Variants in CFAP221 observed in about 807,000 individuals in gnomAD.
CFAP221 encodes the protein cilia and flagella associated protein 221, also known as cilia- and flagella-associated protein 221.
In CFAP221, 97 loss-of-function variants were observed where a neutral mutation model predicts 113.1. That is an observed-to-expected ratio of 0.86 (90% CI 0.73 to 1.02). CFAP221 has a LOEUF of 1.02. Ranked by LOEUF, CFAP221 falls within the 50% of genes least tolerant of loss-of-function variation. The probability of loss-of-function intolerance (pLI) is 0.00; values close to 1 mark genes in which losing one functional copy is unlikely to be tolerated. For missense variants in CFAP221, 1,025 were observed against 1,013.4 expected (o/e 1.01, Z -0.16); for synonymous variants, 331 against 354.4 (o/e 0.93, Z 0.74).
At position 119,614,759 on chromosome 2, in the gene CFAP221, A is replaced by G. The variant is rs1685412340; in HGVS notation, c.1312-852A>G. On this transcript the variant is annotated intron_variant, in intron 13 of 23. Coordinates refer to ENST00000413369, the MANE Select transcript of CFAP221 (RefSeq NM_001271049.2). Reference sequence around the variant, plus strand: ...AAACCATATCACTGGTTAAAAGTCCAACTTTTAATTTCAACGATGATAAAA... The same window carrying G: ...AAACCATATCACTGGTTAAAAGTCCGACTTTTAATTTCAACGATGATAAAA... 2.0e-5 allele frequency among the ~76,000 whole-genome samples: 3 copies of G among 152,236 alleles called. 1 individual carries two copies. In the South Asian group the frequency reaches 6.2e-4, roughly 31 times the overall value.
chr2:119,595,880 G>A (rs554861728), intron 7 of CFAP221, among the ~76,000 whole-genome samples: 99 of 152,114 alleles, frequency 6.5e-4, no homozygotes, highest in African/African-American at 2.4e-3. Flanking sequence ...CTTGGGAAGA[G>A]GGTTTCAAGC....
chr2:119,583,490 G>C (rs1682989261), intron 6 of CFAP221, among the ~76,000 whole-genome samples: 1 of 142,976 alleles, frequency 7.0e-6, no homozygotes, highest in African/African-American at 2.6e-5. Flanking sequence ...TTTTTACATA[G>C]AAAATCTAAG....
Position 119,630,835 on chromosome 2 carries a change from A to T in CFAP221, c.1908A>T (p.Ser636=). 1 of 1,613,912 alleles carries T rather than the reference A, an allele frequency of 6.2e-7. No individual in the cohort carries two copies. Among genetic ancestry groups the T allele is most frequent in the Non-Finnish European group, 8.5e-7 (1 of 1,179,770 alleles). ...DSTTQLSGKT[S]VLSMKPPEAL... is the part of the protein sequence containing the mutation. ...CAACTCAGCTCTCTGGCAAAACATC[A>T]GTCTTGAGCATGAAACCACCTGAGG... Residue 636 remains serine (S), a synonymous_variant, in exon 19 of 24, where the codon TCA becomes TCT. Coordinates refer to ENST00000413369, the MANE Select transcript of CFAP221 (RefSeq NM_001271049.2).
At chr2:119,631,092 T>A in intron 19 of CFAP221, 191 bp downstream of exon 19, 1 of 1,264,672 alleles carries the variant, frequency 7.9e-7, no homozygotes, top group South Asian at 2.9e-5. Flanking sequence ...CTTTTAGCAA[T>A]TCCTGCATTT....
At chr2:119,611,837 C>G in intron 13 of CFAP221, 95 bp downstream of exon 13, 1 of 923,470 alleles carries the variant, frequency 1.1e-6, no homozygotes, top group Non-Finnish European at 1.7e-6. Flanking sequence ...AATCCTTTAC[C>G]AAGAGATATT....
intron 11 of CFAP221, 115 bp downstream of exon 11, chr2:119,605,404 T>A: frequency 1.2e-6 from 1 of 817,644 alleles, no homozygotes; most frequent in Non-Finnish European, 1.9e-6. Context: ...TTGGAGAATT[T>A]AATGATTGTT....
At chr2:119,614,466 G>A (rs895282612) in intron 13 of CFAP221, among the ~76,000 whole-genome samples, 5 of 152,190 alleles carry the variant, frequency 3.3e-5, no homozygotes, top group Admixed American at 1.3e-4. Context: ...CATGGCTGGG[G>A]AGGCCTCAGG....
intron 14 of CFAP221, among the ~76,000 whole-genome samples, chr2:119,618,596 C>T (rs1251839931): frequency 6.6e-6 from 1 of 152,184 alleles, no homozygotes; most frequent in Non-Finnish European, 1.5e-5. Flanking sequence ...AACCCGCAGA[C>T]CAGGAGATTC....
Position 119,656,401 on chromosome 2 carries a change from AG to A in CFAP221, c.2455del (p.Glu819ArgfsTer7), listed in dbSNP as rs1313659880. On this transcript the variant is annotated frameshift_variant, in exon 24 of 24. Coordinates refer to ENST00000413369, the MANE Select transcript of CFAP221 (RefSeq NM_001271049.2). LOFTEE classifies it high-confidence loss of function. ...AAGCACAACCAGCAGAGAAGGCCGG[AG>A]AGAAGCTGCTCGAGGAGATGAGGAA... ...DQAQPAEKAGEKLLEEMRNLR... is the reference protein window; with the variant it reads ...DQAQPAEKAGXKLLEEMRNLR... The A allele has an allele frequency of 6.2e-7, 1 of 1,613,944 alleles. No homozygotes were observed. The highest frequency in any genetic ancestry group is 8.5e-7 in the Non-Finnish European group (1 of 1,179,996).
At position 119,639,797 on chromosome 2, in the gene CFAP221, T is replaced by C. The variant is rs893459663; in HGVS notation, c.2150T>C (p.Ile717Thr). The C allele has an allele frequency of 6.2e-7, 1 of 1,614,120 alleles. No individual in the cohort carries two copies. Among genetic ancestry groups the C allele is most frequent in the Admixed American group, 1.7e-5 (1 of 60,030 alleles). Residue 717 changes from isoleucine to threonine, a missense_variant, in exon 21 of 24, where the codon ATA becomes ACA. Coordinates refer to ENST00000413369, the MANE Select transcript of CFAP221 (RefSeq NM_001271049.2). ...TCCTTACAGGACATTATTCCCGGAA[T>C]AATGCACTGGAAAAGCTTCCAGTCC... ...FLHHTDIIPGIMHWKSFQSLV... is the reference protein window; with the variant it reads ...FLHHTDIIPGTMHWKSFQSLV...
At chr2:119,617,362 C>T (rs1558966627) in intron 14 of CFAP221, among the ~76,000 whole-genome samples, 1 of 152,168 alleles carries the variant, frequency 6.6e-6, no homozygotes, top group Non-Finnish European at 1.5e-5. Flanking sequence ...CAGAGTCCAC[C>T]ATGACATGCT....
At chr2:119,556,655 C>T (rs913968435) in intron 3 of CFAP221, among the ~76,000 whole-genome samples, 3 of 151,422 alleles carry the variant, frequency 2.0e-5, no homozygotes, top group African/African-American at 7.3e-5. Context: ...CCAGTTCAAG[C>T]GATTCTCCTG....
intron 19 of CFAP221, among the ~76,000 whole-genome samples, chr2:119,634,029 G>C (rs1008218941): frequency 6.6e-6 from 1 of 152,170 alleles, no homozygotes; most frequent in Non-Finnish European, 1.5e-5. Context: ...GACCTCTTGA[G>C]TTCAGGAGTT....
At chr2:119,602,723 A>C in intron 8 of CFAP221, 3 of 985,424 alleles carry the variant, frequency 3.0e-6, no homozygotes, top group Non-Finnish European at 3.6e-6. Flanking sequence ...ACTGAACACA[A>C]ATTTTAAAAC....
At chr2:119,636,308 A>G (rs1297099240) in intron 19 of CFAP221, among the ~76,000 whole-genome samples, 2 of 152,220 alleles carry the variant, frequency 1.3e-5, no homozygotes, top group East Asian at 1.9e-4. Flanking sequence ...AAGAATCTCA[A>G]CAATATCAAA....
In CFAP221 at chr2:119,625,675, A is replaced by G. The variant is rs199892421; in HGVS notation, c.1503A>G (p.Gln501=). Residue 501 remains glutamine, a synonymous_variant, in exon 15 of 24, where the codon CAA becomes CAG. Coordinates refer to ENST00000413369, the MANE Select transcript of CFAP221 (RefSeq NM_001271049.2). The stretch of plus-strand genomic sequence containing the variant: ...TGAGAAAGATTGGCCAAGCAAAACA[A>G]TCGATAGCACAAGGTGAAGTATGGC... ...SILRKIGQAK[Q]SIAQEANFFK... is the part of the protein sequence containing the mutation. 7 of 1,607,470 alleles carry G rather than the reference A, an allele frequency of 4.4e-6. No homozygotes were observed. The highest frequency in any genetic ancestry group is 5.1e-6 in the Non-Finnish European group (6 of 1,173,910).
chr2:119,560,319 G>A lies in CFAP221; in HGVS notation c.426+293G>A, dbSNP rs113497602. 2.2e-3 allele frequency among the ~76,000 whole-genome samples: 336 copies of A among 152,260 alleles called. 2 individuals are homozygous for A. Among genetic ancestry groups the A allele is most frequent in the African/African-American group, 7.6e-3 (315 of 41,558 alleles). Reference sequence around the variant, plus strand: ...AAAGCTTCATCTATCATGTGGTGCTGGCAGTTGCCGAAGCCTTTTCAAATA... The same window carrying A: ...AAAGCTTCATCTATCATGTGGTGCTAGCAGTTGCCGAAGCCTTTTCAAATA... On this transcript the variant is annotated intron_variant, in intron 5 of 23. Coordinates refer to ENST00000413369, the MANE Select transcript of CFAP221 (RefSeq NM_001271049.2).
rs138826060 is a variant in CFAP221, at chr2:119,638,045, A to G, written c.1975-214A>G. ...TGGTTTGTAATGAAGCTCTTAAGCC[A>G]GAAAAGTGACATTTATGAATGACTA... On this transcript the variant is annotated intron_variant, in intron 19 of 23. Transcript: ENST00000413369. 1.7e-4 allele frequency: 64 copies of G among 379,824 alleles called. No individual in the cohort carries two copies. The East Asian group carries it at 2.5e-3, about 15-fold the overall frequency. 23.5% of individuals were successfully genotyped at this position (379,824 alleles called of 1,614,324 possible). A position where few individuals can be genotyped will look rare whatever the true frequency, so the allele number is the denominator to read the frequency against.
At chr2:119,625,741 C>G (rs193126981) in intron 15 of CFAP221, 53 bp downstream of exon 15, 1 of 1,448,818 alleles carries the variant, frequency 6.9e-7, no homozygotes, top group East Asian at 2.3e-5. Flanking sequence ...TGCCTCTGAG[C>G]GTGAACTTTC....
Sources: gnomAD v4.1 joint callset for allele counts (sites outside exome capture counted in the v4.1 genomes callset) on GRCh38, gnomAD v4.1.1 for gene constraint, MANE v1.5 for transcripts, NCBI Gene and HGNC (gene_info 2026-07-23, HGNC 2026-07-21) for gene names.